The following SRP72 variants were observed in gnomAD, a reference collection of about 807,000 sequenced individuals.
SRP72 encodes the protein signal recognition particle 72, also known as signal recognition particle subunit SRP72.
A neutral mutation model predicts 96.3 loss-of-function variants in SRP72; 49 were observed. That is an observed-to-expected ratio of 0.51 (90% confidence interval 0.40 to 0.65). The LOEUF is 0.65. SRP72 is among the 30% of genes least tolerant of loss of function. The pLI is 0.00. For synonymous variants in SRP72, 267 were observed against 275.2 expected (o/e 0.97, Z 0.30); for missense variants, 736 against 793.3 (o/e 0.93, Z 0.87).
rs886309940 is a variant in SRP72 at position 56,502,476 on chromosome 4, TATATATGTATATATATATAC to T, written c.*622_*641del. On this transcript the variant is annotated 3_prime_UTR_variant, in exon 19 of 19. Coordinates refer to ENST00000642900, the MANE Select transcript of SRP72 (RefSeq NM_006947.4). ...GATACTTTTCATGTTTATATATATA[TATATATGTATATATATATAC>T]ATATATATATATATATAAACATGAA... 6 of 102,472 alleles carry T rather than the reference TATATATGTATATATATATAC, an allele frequency of 5.9e-5. No individual in the cohort carries two copies. The highest frequency in any genetic ancestry group is 5.3e-4 in the Admixed American group (5 of 9,432). The allele number at this position is 102,472 out of a possible 1,614,324, so 6.3% of individuals were successfully genotyped here.
intron 8 of SRP72, among the ~76,000 whole-genome samples, chr4:56,479,468 C>T (rs986176868): frequency 7.9e-5 from 12 of 151,930 alleles, no homozygotes; most frequent in African/African-American, 9.6e-5. Flanking sequence ...CGTGAGCCAC[C>T]GTGCCCGGCC....
intron 11 of SRP72, 132 bp from the exon 12 acceptor site, chr4:56,487,817 T>C (rs1368222251): frequency 7.6e-6 from 5 of 655,070 alleles, no homozygotes; most frequent in East Asian, 3.0e-5. Context: ...TTTATATGTT[T>C]AGCGATGTTA....
At chr4:56,472,884 A>G (rs935666813) in intron 3 of SRP72, among the ~76,000 whole-genome samples, 6 of 152,180 alleles carry the variant, frequency 3.9e-5, no homozygotes, top group Non-Finnish European at 7.4e-5. Context: ...TAATTGACCT[A>G]GAGTGGCAGT....
In SRP72 at chr4:56,485,803, A is replaced by G. The variant is rs536642261; in HGVS notation, c.1087-522A>G. On this transcript the variant is annotated intron_variant, in intron 10 of 18. Coordinates refer to ENST00000642900, the MANE Select transcript of SRP72 (RefSeq NM_006947.4). Reference sequence around the variant, plus strand: ...GTGACAGAGCAAGACTCCGCCTCAGAAAAAAAAAGCACATTTTGAGGTTGG... The same window carrying G: ...GTGACAGAGCAAGACTCCGCCTCAGGAAAAAAAAGCACATTTTGAGGTTGG... Among the ~76,000 whole-genome samples the G allele has an allele frequency of 4.6e-5, 7 of 151,542 alleles. No homozygotes were observed. The East Asian group carries it at 5.8e-4, about 13-fold the overall frequency.
At chr4:56,499,342 C>T (rs1721182131) in intron 17 of SRP72, among the ~76,000 whole-genome samples, 2 of 152,128 alleles carry the variant, frequency 1.3e-5, no homozygotes, top group Non-Finnish European at 2.9e-5. Context: ...GACTAAAACC[C>T]CAAAAGCAAT....
rs1309235303 is a variant in SRP72 at position 56,489,463 on chromosome 4, C to T, written c.1300C>T (p.Gln434Ter). 2 of 1,589,392 alleles carry T rather than the reference C, an allele frequency of 1.3e-6. No individual in the cohort carries two copies. Among genetic ancestry groups the T allele is most frequent in the South Asian group, 2.3e-5 (2 of 88,438 alleles). ...CATTGAGGTCTTCACACAAGCTATC[C>T]AGTGGTATCAAAACCATCAGGTAAA... Reference protein sequence around the residue: ...SAIEVFTQAIQWYQNHQPKSP... With the variant: ...SAIEVFTQAI Residue 434 changes from glutamine (Q) to a stop codon, truncating the protein, a stop_gained, in exon 13 of 19, where the codon CAG (glutamine) becomes TAG (stop). Coordinates refer to ENST00000642900, the MANE Select transcript of SRP72 (RefSeq NM_006947.4). LOFTEE classifies it high-confidence loss of function.
chr4:56,490,011 T>C (rs1288744456), intron 13 of SRP72, among the ~76,000 whole-genome samples: 1 of 152,162 alleles, frequency 6.6e-6, no homozygotes, highest in East Asian at 1.9e-4. Context: ...GGGAAAGTAT[T>C]ATATTAAATT....
Position 56,474,180 on chromosome 4 carries a change from T to C in SRP72, c.481T>C (p.Trp161Arg). Reference sequence around the variant, plus strand: ...AGCAGTTGTTGCAGCTCAAAGCAATTGGGAAAAAGTGGTTCCAGTGAGTAT... The same window carrying C: ...AGCAGTTGTTGCAGCTCAAAGCAATCGGGAAAAAGTGGTTCCAGTGAGTAT... ...LSAVVAAQSN[W>R]EKVVPENLGL... Residue 161 changes from tryptophan (W) to arginine (R), a missense_variant, in exon 4 of 19, where the codon TGG becomes CGG. Transcript: ENST00000642900. 6.2e-7 allele frequency: 1 copy of C among 1,614,062 alleles called. No homozygotes were observed. Among genetic ancestry groups the C allele is most frequent in the Non-Finnish European group, 8.5e-7 (1 of 1,180,004 alleles).
chr4:56,469,833 T>G (rs993669362), intron 2 of SRP72, 60 bp downstream of exon 2: 52 of 1,418,664 alleles, frequency 3.7e-5, no homozygotes, highest in Non-Finnish European at 4.6e-5. Flanking sequence ...AGCTATAATC[T>G]CTTCCATGTT....
At chr4:56,473,212 C>T (rs1424944419) in intron 3 of SRP72, among the ~76,000 whole-genome samples, 1 of 152,056 alleles carries the variant, frequency 6.6e-6, no homozygotes, top group African/African-American at 2.4e-5. Context: ...TCACTTTTCG[C>T]ACTTGGGGAG....
chr4:56,495,271 C>A, intron 16 of SRP72, 86 bp from the exon 17 acceptor site: 3 of 814,396 alleles, frequency 3.7e-6, no homozygotes, highest in Non-Finnish European at 5.6e-6. Flanking sequence ...ATGATAAGTG[C>A]CCAACTAACT....
At chr4:56,484,942 CATGTAAATTTAATGGGAAAA>C in intron 10 of SRP72, 78 bp downstream of exon 10, 1 of 1,487,468 alleles carries the variant, frequency 6.7e-7, no homozygotes, top group East Asian at 2.4e-5. Flanking sequence ...AACCTACTAG[CATGTAAATTTAATGGGAAAA>C]CTAATCAGAA....
chr4:56,477,635 C>T (rs138329649), intron 6 of SRP72, among the ~76,000 whole-genome samples: 40 of 152,252 alleles, frequency 2.6e-4, no homozygotes, highest in African/African-American at 9.4e-4. Flanking sequence ...ATCATTTCCT[C>T]ATCAAACACA....
chr4:56,475,152 TA>T (rs1175458697), intron 5 of SRP72, among the ~76,000 whole-genome samples: 1 of 152,084 alleles, frequency 6.6e-6, no homozygotes, highest in Non-Finnish European at 1.5e-5. Flanking sequence ...AAGTCTGTTT[TA>T]CTGTTAAATA....
At chr4:56,489,886 T>G (rs1364210095) in intron 13 of SRP72, among the ~76,000 whole-genome samples, 4 of 152,242 alleles carry the variant, frequency 2.6e-5, no homozygotes, top group Non-Finnish European at 2.9e-5. Flanking sequence ...AGGAATATCT[T>G]AATTTCCAGT....
At chr4:56,497,668 AG>A (rs1721126438) in intron 17 of SRP72, among the ~76,000 whole-genome samples, 1 of 152,148 alleles carries the variant, frequency 6.6e-6, no homozygotes, top group African/African-American at 2.4e-5. Context: ...TTAAAAAAAA[AG>A]AAAAGGAGTA....
At chr4:56,474,474 G>C (rs1355475646) in intron 5 of SRP72, 83 bp downstream of exon 5, 2 of 1,171,046 alleles carry the variant, frequency 1.7e-6, no homozygotes, top group Non-Finnish European at 2.4e-6. Flanking sequence ...TTTGACTTCT[G>C]TGAAATTATT....
rs769742554 is a variant in SRP72, at chr4:56,501,988, G to T, written c.*127G>T. 2 of 1,034,158 alleles carry T rather than the reference G, an allele frequency of 1.9e-6. No homozygotes were observed. Among genetic ancestry groups the T allele is most frequent in the African/African-American group, 3.2e-5 (2 of 61,834 alleles). The allele number at this position is 1,034,158 out of a possible 1,614,324, so 64.1% of individuals were successfully genotyped here. A position where few individuals can be genotyped will look rare whatever the true frequency, so the allele number is the denominator to read the frequency against. On this transcript the variant is annotated 3_prime_UTR_variant, in exon 19 of 19. Transcript: ENST00000642900. ...TCTCCATATTTTCATAATTTCTTGTGTTTCAAATAGGGAAACATCTTCCTC... is the reference window on the plus strand; with the variant it reads ...TCTCCATATTTTCATAATTTCTTGTTTTTCAAATAGGGAAACATCTTCCTC...
At chr4:56,475,001 A>G (rs1278478791) in intron 5 of SRP72, among the ~76,000 whole-genome samples, 5 of 152,140 alleles carry the variant, frequency 3.3e-5, no homozygotes, top group Non-Finnish European at 7.4e-5. Flanking sequence ...TTTAATTAAG[A>G]AAAAAATTAA....
Sources: allele counts gnomAD v4.1 joint callset (sites outside exome capture counted in the v4.1 genomes callset), GRCh38; gene constraint gnomAD v4.1.1; transcripts MANE v1.5; gene names NCBI Gene and HGNC (gene_info 2026-07-23, HGNC 2026-07-21).